The following CNTNAP2 variants were observed in gnomAD, a reference collection of about 807,000 sequenced individuals.
The protein encoded by CNTNAP2 is contactin associated protein 2.
In CNTNAP2, 98 loss-of-function variants were observed where a neutral mutation model predicts 155.2. That is an observed-to-expected ratio of 0.63 (90% CI 0.54 to 0.75). CNTNAP2 has a LOEUF of 0.75. Among genes scored for constraint, CNTNAP2 ranks in the 30% least tolerant of loss-of-function variants. CNTNAP2 has a pLI of 0.00. For synonymous variants in CNTNAP2, 651 were observed against 631.2 expected (o/e 1.03, Z -0.47); for missense variants, 1,727 against 1,688.1 (o/e 1.02, Z -0.40).
At chr7:147,523,158 C>A (rs771278095) in intron 11 of CNTNAP2, among the ~76,000 whole-genome samples, 11 of 152,132 alleles carry the variant, frequency 7.2e-5, no homozygotes, top group Non-Finnish European at 1.5e-4. Context: ...GGGTAAAGAT[C>A]CACTTCCAAA....
At chr7:146,535,932 A>T (rs907894869) in intron 1 of CNTNAP2, among the ~76,000 whole-genome samples, 3 of 152,146 alleles carry the variant, frequency 2.0e-5, no homozygotes, top group Non-Finnish European at 4.4e-5. Context: ...TTATGCTTAC[A>T]AAGAAATGTG....
intron 13 of CNTNAP2, among the ~76,000 whole-genome samples, chr7:147,641,358 C>T (rs2116927704): frequency 6.6e-6 from 1 of 152,192 alleles, no homozygotes; most frequent in South Asian, 2.1e-4. Context: ...TGGGAGTAAA[C>T]TGGGAAGGAA....
chr7:147,832,817 T>TTA (rs1003188730), intron 13 of CNTNAP2, among the ~76,000 whole-genome samples: 1 of 131,220 alleles, frequency 7.6e-6, no homozygotes, highest in East Asian at 2.3e-4. Context: ...TTATATATAG[T>TTA]TATATATATT....
At chr7:147,091,929 C>G (rs4726817) in intron 4 of CNTNAP2, among the ~76,000 whole-genome samples, 81,472 of 151,636 alleles carry the variant, frequency 0.54, 25,301 homozygotes, top group East Asian at 0.72. Context: ...TTAATAGAGA[C>G]GGGGTTTCAC....
At chr7:147,557,812 G>A (rs1366335788) in intron 11 of CNTNAP2, among the ~76,000 whole-genome samples, 1 of 152,174 alleles carries the variant, frequency 6.6e-6, no homozygotes, top group Non-Finnish European at 1.5e-5. Flanking sequence ...TGCTACAAAA[G>A]TATTTGCAGT....
chr7:147,687,593 A>G (rs1241124626), intron 13 of CNTNAP2, among the ~76,000 whole-genome samples: 1 of 152,136 alleles, frequency 6.6e-6, no homozygotes, highest in Non-Finnish European at 1.5e-5. Flanking sequence ...ACCATGCTTC[A>G]TATTGTTAAT....
intron 1 of CNTNAP2, among the ~76,000 whole-genome samples, chr7:146,650,184 C>T (rs141213277): frequency 0.016 from 2,460 of 152,148 alleles, 30 homozygotes; most frequent in Non-Finnish European, 0.025. Flanking sequence ...ACCCAGCAAT[C>T]CCATTACTGG....
chr7:148,146,098 T>C (rs1805171235), intron 16 of CNTNAP2, among the ~76,000 whole-genome samples: 1 of 152,326 alleles, frequency 6.6e-6, no homozygotes, highest in South Asian at 2.1e-4. Context: ...AATTAGAAGT[T>C]TGATTGCTTG....
rs1056628212 is a variant in CNTNAP2, at chr7:147,264,577, A to G, written c.1349-35564A>G. On this transcript the variant is annotated intron_variant, in intron 8 of 23. Transcript: ENST00000361727. Reference sequence around the variant, plus strand: ...TAGGGCATATCAAACCCTCTGATGGAGCTGCTCCAGGCTAGCCTCGTCAAG... The same window carrying G: ...TAGGGCATATCAAACCCTCTGATGGGGCTGCTCCAGGCTAGCCTCGTCAAG... 2.0e-5 allele frequency among the ~76,000 whole-genome samples: 3 copies of G among 150,478 alleles called. 1 individual carries two copies. Among genetic ancestry groups the G allele is most frequent in the Non-Finnish European group, 4.5e-5 (3 of 67,412 alleles).
intron 11 of CNTNAP2, among the ~76,000 whole-genome samples, chr7:147,554,933 G>T (rs914892228): frequency 6.6e-6 from 1 of 152,066 alleles, no homozygotes; most frequent in Non-Finnish European, 1.5e-5. Flanking sequence ...AGCTTATATT[G>T]TACTAATTAA....
At chr7:146,219,460 A>T (rs1040724627) in intron 1 of CNTNAP2, among the ~76,000 whole-genome samples, 16 of 152,218 alleles carry the variant, frequency 1.1e-4, no homozygotes, top group Non-Finnish European at 1.8e-4. Flanking sequence ...CATTTATCTA[A>T]CAAATAATTA....
chr7:146,952,263 T>G (rs1410880899), intron 3 of CNTNAP2, among the ~76,000 whole-genome samples: 1 of 152,126 alleles, frequency 6.6e-6, no homozygotes, highest in Non-Finnish European at 1.5e-5. Flanking sequence ...AAACTAGGTA[T>G]TGTTGGAACA....
intron 1 of CNTNAP2, among the ~76,000 whole-genome samples, chr7:146,550,421 T>TTTTG (rs35479373): frequency 6.3e-5 from 6 of 95,354 alleles, no homozygotes; most frequent in East Asian, 2.3e-4. Context: ...TTTTTTTTTT[T>TTTTG]TTTTTTTTAT....
intron 4 of CNTNAP2, among the ~76,000 whole-genome samples, chr7:147,063,044 A>G (rs1452936266): frequency 6.6e-6 from 1 of 152,152 alleles, no homozygotes; most frequent in Non-Finnish European, 1.5e-5. Flanking sequence ...CTGGCTTCAC[A>G]TGTATTTTCT....
intron 13 of CNTNAP2, among the ~76,000 whole-genome samples, chr7:147,727,937 C>T (rs923435951): frequency 6.6e-5 from 10 of 151,942 alleles, no homozygotes; most frequent in African/African-American, 2.4e-4. Context: ...ATCTCCATCT[C>T]ACTAGCCACC....
At chr7:146,151,684 A>ATATG (rs1798051426) in intron 1 of CNTNAP2, among the ~76,000 whole-genome samples, 2 of 52,008 alleles carry the variant, frequency 3.8e-5, no homozygotes, top group African/African-American at 2.5e-4. Context: ...ATATATATGT[A>ATATG]TATATATATA....
chr7:146,188,882 C>T (rs188115185), intron 1 of CNTNAP2, among the ~76,000 whole-genome samples: 2 of 152,232 alleles, frequency 1.3e-5, no homozygotes, highest in Non-Finnish European at 2.9e-5. Context: ...AACTGTGTTA[C>T]ATCAGTGGTT....
At chr7:146,930,468 C>T (rs946235425) in intron 3 of CNTNAP2, among the ~76,000 whole-genome samples, 5 of 152,114 alleles carry the variant, frequency 3.3e-5, no homozygotes, top group African/African-American at 1.2e-4. Context: ...CAACTGGTAC[C>T]AGCCACTGCA....
chr7:147,895,494 T>C (rs1799762589), intron 13 of CNTNAP2, among the ~76,000 whole-genome samples: 1 of 152,224 alleles, frequency 6.6e-6, no homozygotes, highest in Non-Finnish European at 1.5e-5. Flanking sequence ...TCTAGTTAAC[T>C]TAGAATGCCA....
Sources: allele counts gnomAD v4.1 joint callset (sites outside exome capture counted in the v4.1 genomes callset), GRCh38; gene constraint gnomAD v4.1.1; transcripts MANE v1.5; gene names NCBI Gene and HGNC (gene_info 2026-07-23, HGNC 2026-07-21).